The following ROBO2 variants were observed in gnomAD, a reference collection of about 807,000 sequenced individuals.
The protein encoded by ROBO2 is roundabout guidance receptor 2, also known as roundabout homolog 2.
A neutral mutation model predicts 160.8 loss-of-function variants in ROBO2; 53 were observed. The observed-to-expected ratio is 0.33, with a 90% CI of 0.26 to 0.41. ROBO2 has a LOEUF of 0.41. Among genes scored for constraint, ROBO2 ranks in the 10% least tolerant of loss-of-function variants. ROBO2 has a pLI of 1.00. For missense variants in ROBO2, 1,577 were observed against 1,722.4 expected (o/e 0.92, Z 1.49); for synonymous variants, 664 against 611.7 (o/e 1.09, Z -1.26).
intron 2 of ROBO2, among the ~76,000 whole-genome samples, chr3:76,958,154 G>A (rs1192293472): frequency 2.0e-5 from 3 of 152,140 alleles, no homozygotes; most frequent in Non-Finnish European, 2.9e-5. Flanking sequence ...GAGCTGCCTC[G>A]TTTCATTGCT....
intron 2 of ROBO2, among the ~76,000 whole-genome samples, chr3:76,124,436 A>T (rs4416388): frequency 0.11 from 16,664 of 152,092 alleles, 1,408 homozygotes; most frequent in East Asian, 0.38. Context: ...CTTGACATAA[A>T]TACATCAGGG....
intron 2 of ROBO2, among the ~76,000 whole-genome samples, chr3:75,939,589 C>G (rs1368195904): frequency 6.6e-6 from 1 of 152,030 alleles, no homozygotes; most frequent in African/African-American, 2.4e-5. Context: ...TAATAGAAAA[C>G]TTAATGGAAT....
chr3:77,564,598 T>C, intron 11 of ROBO2: 1 of 404,230 alleles, frequency 2.5e-6, no homozygotes, highest in Non-Finnish European at 4.7e-6. Flanking sequence ...GGTATATATA[T>C]ATATACATTT....
chr3:76,855,637 T>A (rs2069975490), intron 2 of ROBO2, among the ~76,000 whole-genome samples: 1 of 152,228 alleles, frequency 6.6e-6, no homozygotes, highest in African/African-American at 2.4e-5. Flanking sequence ...TAACAGCAGG[T>A]GAAAGAATTC....
chr3:77,343,927 G>C (rs2067340233), intron 2 of ROBO2, among the ~76,000 whole-genome samples: 1 of 152,094 alleles, frequency 6.6e-6, no homozygotes, highest in Non-Finnish European at 1.5e-5. Context: ...TTTGTTTGTT[G>C]AGCTCCTACT....
intron 2 of ROBO2, among the ~76,000 whole-genome samples, chr3:76,629,950 A>T (rs1472027282): frequency 6.6e-6 from 1 of 152,148 alleles, no homozygotes; most frequent in Non-Finnish European, 1.5e-5. Flanking sequence ...CTGTGCCTCC[A>T]TTCTGTGTTT....
intron 2 of ROBO2, among the ~76,000 whole-genome samples, chr3:77,326,582 G>A (rs924384794): frequency 6.6e-6 from 1 of 152,100 alleles, no homozygotes; most frequent in African/African-American, 2.4e-5. Flanking sequence ...AACAATGACA[G>A]ATCACAATTT....
intron 9 of ROBO2, among the ~76,000 whole-genome samples, chr3:77,561,410 G>A (rs2093318957): frequency 6.6e-6 from 1 of 152,100 alleles, no homozygotes; most frequent in African/African-American, 2.4e-5. Flanking sequence ...AATGAATGTT[G>A]TTTGCAGTGT....
intron 2 of ROBO2, among the ~76,000 whole-genome samples, chr3:76,893,469 T>C (rs1046262464): frequency 1.3e-5 from 2 of 152,190 alleles, no homozygotes; most frequent in Admixed American, 1.3e-4. Context: ...AAATAATGTC[T>C]AATTGAATAT....
rs114795922 is a variant in ROBO2 at position 77,327,168 on chromosome 3, T to C, written c.389-150246T>C. On this transcript the variant is annotated intron_variant, in intron 2 of 25. Transcript: ENST00000461745. Reference sequence around the variant, plus strand: ...TTCTTGGTTAACCCTTCAAAGCCTATTGAACTCTCAATGTAGCCGAATATA... The same window carrying C: ...TTCTTGGTTAACCCTTCAAAGCCTACTGAACTCTCAATGTAGCCGAATATA... Among the ~76,000 whole-genome samples, 842 of 152,300 alleles carry C rather than the reference T, an allele frequency of 5.5e-3. 7 individuals are homozygous for C. Among genetic ancestry groups the C allele is most frequent in the African/African-American group, 0.019 (801 of 41,560 alleles).
chr3:76,076,036 CA>C (rs1435201835), intron 2 of ROBO2, among the ~76,000 whole-genome samples: 1 of 152,166 alleles, frequency 6.6e-6, no homozygotes, highest in East Asian at 1.9e-4. Context: ...TTTCACAGAG[CA>C]AAATGGTTAT....
intron 2 of ROBO2, among the ~76,000 whole-genome samples, chr3:76,172,428 A>G (rs1404148153): frequency 8.2e-6 from 1 of 122,140 alleles, no homozygotes; most frequent in South Asian, 2.6e-4. Flanking sequence ...AACTTAAAGT[A>G]TAATAATTAA....
intron 2 of ROBO2, among the ~76,000 whole-genome samples, chr3:77,454,774 T>A (rs191022620): frequency 3.3e-4 from 51 of 152,346 alleles, no homozygotes; most frequent in African/African-American, 1.2e-3. Context: ...TCTTCTCTTT[T>A]TCAATTTATT....
At chr3:76,416,176 A>T (rs906320153) in intron 2 of ROBO2, among the ~76,000 whole-genome samples, 1 of 151,732 alleles carries the variant, frequency 6.6e-6, no homozygotes, top group Admixed American at 6.6e-5. Context: ...ATAATAATAA[A>T]ATAAAATAAA....
rs536836512 is a variant in ROBO2, at chr3:76,737,504, A to G, written c.110-360510A>G. 4.4e-3 allele frequency among the ~76,000 whole-genome samples: 667 copies of G among 152,318 alleles called. 4 individuals are homozygous for G. The highest frequency in any genetic ancestry group is 5.1e-3 in the Non-Finnish European group (349 of 68,022). ...CAGATGAGATTTTTGACCAGCCACAAAAGGCCTATTTAAGCTTTTATAAAT... is the reference window on the plus strand; with the variant it reads ...CAGATGAGATTTTTGACCAGCCACAGAAGGCCTATTTAAGCTTTTATAAAT... On this transcript the variant is annotated intron_variant, in intron 2 of 26. Coordinates refer to the ROBO2 transcript ENST00000487694.
intron 2 of ROBO2, among the ~76,000 whole-genome samples, chr3:76,350,869 T>C (rs2074830125): frequency 6.6e-6 from 1 of 151,922 alleles, no homozygotes; most frequent in South Asian, 2.1e-4. Context: ...TTATCTGTTA[T>C]CAGAAGAAGT....
chr3:77,100,805 C>T (rs558907640), intron 2 of ROBO2, among the ~76,000 whole-genome samples: 5 of 151,928 alleles, frequency 3.3e-5, no homozygotes, highest in East Asian at 1.9e-4. Context: ...TACGCAAATC[C>T]GGAGGGAAGA....
chr3:77,116,611 G>T (rs2150227109), intron 2 of ROBO2, among the ~76,000 whole-genome samples: 1 of 152,248 alleles, frequency 6.6e-6, no homozygotes, highest in South Asian at 2.1e-4. Context: ...GTATTTACCT[G>T]TAATTCTTTC....
chr3:76,364,157 A>G (rs1246678773), intron 2 of ROBO2, among the ~76,000 whole-genome samples: 1 of 151,882 alleles, frequency 6.6e-6, no homozygotes, highest in East Asian at 1.9e-4. Flanking sequence ...GGGGCTTTGC[A>G]TTTTCCGTGT....
Sources: gnomAD v4.1 joint callset for allele counts (sites outside exome capture counted in the v4.1 genomes callset) on GRCh38, gnomAD v4.1.1 for gene constraint, MANE v1.5 for transcripts, NCBI Gene and HGNC (gene_info 2026-07-23, HGNC 2026-07-21) for gene names.